STARD13: variants seen among roughly 807,000 people sequenced by gnomAD.
STARD13 encodes StAR related lipid transfer domain containing 13.
In STARD13, 62 loss-of-function variants were observed where a neutral mutation model predicts 106.4. The observed-to-expected ratio is 0.58, with a 90% CI of 0.48 to 0.72. The LOEUF is 0.72. Among genes scored for constraint, STARD13 ranks in the 30% least tolerant of loss-of-function variants. STARD13 has a pLI of 0.00. For missense variants in STARD13, 1,387 were observed against 1,424.0 expected, an observed-to-expected ratio of 0.97 and a Z score of 0.42; for synonymous variants, 565 against 553.0, an observed-to-expected ratio of 1.02 and a Z score of -0.31.
chr13:33,239,203 G>T (rs1889346947), intron 1 of STARD13, among the ~76,000 whole-genome samples: 1 of 152,074 alleles, frequency 6.6e-6, no homozygotes, highest in Non-Finnish European at 1.5e-5. Flanking sequence ...CATATAACAA[G>T]ATTTCCTTCT....
At chr13:33,211,098 A>T (rs1475209073) in intron 1 of STARD13, among the ~76,000 whole-genome samples, 2 of 152,182 alleles carry the variant, frequency 1.3e-5, no homozygotes, top group East Asian at 1.9e-4. Context: ...ATTCCTTTTT[A>T]GTAAATTATT....
chr13:33,512,060 A>G, the STARD13 span, among the ~76,000 whole-genome samples: 2 of 152,326 alleles, frequency 1.3e-5, no homozygotes, highest in Admixed American at 1.3e-4. Context: ...TGTTTTTAGT[A>G]ATGTGGCTTG....
At chr13:33,573,343 A>G in the STARD13 span, among the ~76,000 whole-genome samples, 1 of 152,242 alleles carries the variant, frequency 6.6e-6, no homozygotes, top group Non-Finnish European at 1.5e-5. Context: ...GATATCGTAC[A>G]TACCAACCTA....
intron 1 of STARD13, among the ~76,000 whole-genome samples, chr13:33,188,880 T>A (rs1886001672): frequency 6.6e-6 from 1 of 152,220 alleles, no homozygotes; most frequent in South Asian, 2.1e-4. Context: ...TTTGCCTTAA[T>A]AACAAAACCC....
At chr13:33,592,397 A>G in the STARD13 span, among the ~76,000 whole-genome samples, 1 of 152,226 alleles carries the variant, frequency 6.6e-6, no homozygotes, top group Admixed American at 6.5e-5. Flanking sequence ...TGAGATCTGG[A>G]GGATCTGGGG....
At chr13:33,336,000 TTCAC>T (rs2077893180) in intron 1 of STARD13, among the ~76,000 whole-genome samples, 1 of 148,658 alleles carries the variant, frequency 6.7e-6, no homozygotes, top group African/African-American at 2.5e-5. Context: ...CATTAATTCA[TTCAC>T]TCAGCAAGCA....
At chr13:33,139,212 C>G (rs1310592876) in intron 4 of STARD13, among the ~76,000 whole-genome samples, 3 of 152,330 alleles carry the variant, frequency 2.0e-5, no homozygotes, top group African/African-American at 7.2e-5. Flanking sequence ...GCTAGAGGCT[C>G]ACCCAGACTC....
chr13:33,628,132 ACTCT>A, the STARD13 span, among the ~76,000 whole-genome samples: 4 of 124,292 alleles, frequency 3.2e-5, no homozygotes, highest in African/African-American at 6.1e-5. Flanking sequence ...TCATTCCTGG[ACTCT>A]CTCTCTTGTA....
chr13:33,460,041 C>T, the STARD13 span, among the ~76,000 whole-genome samples: 5 of 152,124 alleles, frequency 3.3e-5, no homozygotes, highest in African/African-American at 1.2e-4. Context: ...TTTCAAATTT[C>T]TTACACTCGG....
the STARD13 span, among the ~76,000 whole-genome samples, chr13:33,511,956 TG>T: frequency 1.4e-3 from 218 of 152,188 alleles, 1 homozygote; most frequent in Admixed American, 3.8e-3. Context: ...GAAAAAAAAT[TG>T]GCCATTAATT....
the STARD13 span, among the ~76,000 whole-genome samples, chr13:33,449,856 T>C: frequency 6.6e-6 from 1 of 152,234 alleles, no homozygotes; most frequent in African/African-American, 2.4e-5. Flanking sequence ...TTGAAAATGG[T>C]ATTGCCTTCT....
chr13:33,565,795 A>G, the STARD13 span, among the ~76,000 whole-genome samples: 1 of 148,450 alleles, frequency 6.7e-6, no homozygotes, highest in South Asian at 2.1e-4. Context: ...TATCCTGGCT[A>G]TTCTCTTCCT....
intron 4 of STARD13, among the ~76,000 whole-genome samples, chr13:33,135,845 A>G (rs1878979368): frequency 6.6e-6 from 1 of 152,218 alleles, no homozygotes; most frequent in Non-Finnish European, 1.5e-5. Flanking sequence ...TCTTATGGCC[A>G]GGCATAGTGG....
chr13:33,596,670 A>G, the STARD13 span, among the ~76,000 whole-genome samples: 1 of 152,184 alleles, frequency 6.6e-6, no homozygotes, highest in East Asian at 1.9e-4. Context: ...TGTTTTATCC[A>G]TTAACCAACC....
chr13:33,417,758 T>C, the STARD13 span, among the ~76,000 whole-genome samples: 5 of 152,234 alleles, frequency 3.3e-5, no homozygotes, highest in African/African-American at 9.6e-5. Flanking sequence ...TTTCAGGGAC[T>C]AGGAGGTAAG....
chr13:33,420,644 A>G, the STARD13 span, among the ~76,000 whole-genome samples: 1 of 152,246 alleles, frequency 6.6e-6, no homozygotes, highest in African/African-American at 2.4e-5. Flanking sequence ...AAATCAACAG[A>G]ATATACATTC....
At chr13:33,629,332 A>G in the STARD13 span, among the ~76,000 whole-genome samples, 1 of 152,240 alleles carries the variant, frequency 6.6e-6, no homozygotes, top group African/African-American at 2.4e-5. Context: ...ACTGTCCTGG[A>G]AGAGGGCTCT....
At chr13:33,644,313 C>A in the STARD13 span, among the ~76,000 whole-genome samples, 1 of 152,088 alleles carries the variant, frequency 6.6e-6, no homozygotes, top group South Asian at 2.1e-4. Flanking sequence ...AATAATAGTC[C>A]ATTCAGATAA....
chr13:33,499,317 A>G, the STARD13 span, among the ~76,000 whole-genome samples: 1 of 152,152 alleles, frequency 6.6e-6, no homozygotes, highest in African/African-American at 2.4e-5. Flanking sequence ...AATACCAAAG[A>G]CTGGTTGGTT....
Sources: gnomAD v4.1 joint callset for allele counts (sites outside exome capture counted in the v4.1 genomes callset) on GRCh38, gnomAD v4.1.1 for gene constraint, MANE v1.5 for transcripts, NCBI Gene and HGNC (gene_info 2026-07-23, HGNC 2026-07-21) for gene names.